PLCH2: variants seen among roughly 807,000 people sequenced by gnomAD.
PLCH2 encodes the protein 1-phosphatidylinositol 4,5-bisphosphate phosphodiesterase eta-2.
PLCH2 carries 98 observed loss-of-function variants against 134.7 expected under a neutral mutation model. The ratio of observed to expected loss-of-function variants is 0.73; its 90% CI spans 0.62 to 0.86. The LOEUF (loss-of-function observed/expected upper bound fraction) is 0.86, where lower values mean the gene tolerates loss of function less well. Ranked by LOEUF, PLCH2 falls within the 40% of genes least tolerant of loss-of-function variation. The probability of loss-of-function intolerance (pLI) is 0.00; values close to 1 mark genes in which losing one functional copy is unlikely to be tolerated. For synonymous variants in PLCH2, 974 were observed against 827.5 expected (o/e 1.18, Z -3.04); for missense variants, 1,994 against 1,986.6 (o/e 1.00, Z -0.07).
rs894710209 is a variant in PLCH2 at position 2,499,350 on chromosome 1, C to G, written c.2581+120C>G. ...GGGCCTGCACCTGGCACCAAAGAGA[C>G]AGGAGCTGAGGACGGGAGGAGAGCC... On this transcript the variant is annotated intron_variant, in intron 19 of 21. Transcript: ENST00000378486. 9.6e-6 allele frequency: 12 copies of G among 1,253,862 alleles called. No individual in the cohort carries two copies. The Admixed American group carries it at 1.5e-4, about 15-fold the overall frequency. 77.7% of individuals were successfully genotyped at this position (1,253,862 alleles called of 1,614,324 possible).
At chr1:2,429,462 A>C (rs1343732173) in intron 1 of PLCH2, among the ~76,000 whole-genome samples, 1 of 152,090 alleles carries the variant, frequency 6.6e-6, no homozygotes, top group African/African-American at 2.4e-5. Flanking sequence ...CTGGCCTGAG[A>C]GTGAGGAGTT....
rs1215016797 is a variant in PLCH2, at chr1:2,489,887, G to A, written c.1515+20G>A. On this transcript the variant is annotated intron_variant, in intron 10 of 21. Coordinates refer to ENST00000378486, the MANE Select transcript of PLCH2 (RefSeq NM_014638.4). ...GGGGATGTGAGTCGGGCTGGAGGTG[G>A]AGGGGGGCGCGTGGAGCCTGCAGTT... 6.5e-7 allele frequency: 1 copy of A among 1,550,018 alleles called. No individual in the cohort carries two copies.
rs1446522991 is a variant in PLCH2, at chr1:2,476,651, G to A, written c.63G>A (p.Glu21=). The A allele has an allele frequency of 6.2e-7, 1 of 1,608,872 alleles. No homozygotes were observed. The highest frequency in any genetic ancestry group is 8.5e-7 in the Non-Finnish European group (1 of 1,178,540). ...AGGGAACGGTGGCCTGGCTGGCGGA[G>A]GTACTCCTCTGGGTTGGAGGGAGTG... ...RTKGTVAWLA[E]VLLWVGGSVV... Residue 21 remains glutamate (E), a synonymous_variant, in exon 1 of 22, where the codon GAG becomes GAA. Coordinates refer to ENST00000378486, the MANE Select transcript of PLCH2 (RefSeq NM_014638.4).
Position 2,487,356 on chromosome 1 carries a change from C to G in PLCH2, c.1094C>G (p.Ala365Gly). 2 of 1,613,104 alleles carry G rather than the reference C, an allele frequency of 1.2e-6. No homozygotes were observed. Among genetic ancestry groups the G allele is most frequent in the Non-Finnish European group, 1.7e-6 (2 of 1,179,662 alleles). The change falls in exon 7 of 22, where the codon GCT (alanine) becomes GGT (glycine). Residue 365 changes from alanine to glycine, a missense_variant. Ala to Gly is a moderately conservative substitution (Grantham distance 60). Around this residue, in one of 2 missense-constraint regions of PLCH2, gnomAD observed 1,094 missense variants for 1,234.3 expected, o/e 0.89. Coordinates refer to ENST00000378486, the MANE Select transcript of PLCH2 (RefSeq NM_014638.4). Reference protein sequence around the residue: ...RVDMYAWVLQAGCRCVEVDCW... With the variant: ...RVDMYAWVLQGGCRCVEVDCW... ...GACATGTATGCTTGGGTCCTGCAGG[C>G]TGGCTGCCGCTGCGTGGAGGGTAAG...
At chr1:2,462,572 T>C (rs922815878), upstream of PLCH2, among the ~76,000 whole-genome samples, 2 of 152,034 alleles carry the variant, frequency 1.3e-5, no homozygotes, top group Admixed American at 6.5e-5. Context: ...ACGGTCAGTC[T>C]GGGTGGCCCG....
chr1:2,478,672 C>G (rs918242250), intron 2 of PLCH2, 50 bp downstream of exon 2: 1 of 1,541,060 alleles, frequency 6.5e-7, no homozygotes, highest in Non-Finnish European at 8.8e-7. Flanking sequence ...TGGGGGGACA[C>G]GACGGTAGGG....
intron 1 of PLCH2, among the ~76,000 whole-genome samples, chr1:2,469,433 C>T (rs1248916878): frequency 3.3e-5 from 5 of 152,224 alleles, no homozygotes; most frequent in African/African-American, 4.8e-5. Context: ...CCGCCGAGGA[C>T]GGAGCAGATG....
rs1639574103 is a variant in PLCH2 at position 2,439,176 on chromosome 1, C to T, written c.115+8547C>T. On this transcript the variant is annotated intron_variant, in intron 2 of 3. Coordinates refer to the PLCH2 transcript ENST00000609981. The surrounding 1 kb of genome is among the most constrained non-coding windows in gnomAD (Gnocchi z 4.7). ...TTCTCTCTTTGTGCCTCAGTTTCCC[C>T]CTCAGAGAAAAGGGTGTGTCAGGCC... 6.6e-6 allele frequency among the ~76,000 whole-genome samples: 1 copy of T among 152,242 alleles called. No homozygotes were observed. The highest frequency in any genetic ancestry group is 6.5e-5 in the Admixed American group (1 of 15,290).
At chr1:2,478,310 C>T (rs1641749161) in intron 1 of PLCH2, among the ~76,000 whole-genome samples, 166 bp from the exon 2 acceptor site, 1 of 152,188 alleles carries the variant, frequency 6.6e-6, no homozygotes. Flanking sequence ...TGCCCTGTCA[C>T]TGGCAGGGCG....
At chr1:2,434,775 C>A (rs1639245338) in intron 2 of PLCH2, among the ~76,000 whole-genome samples, 1 of 152,230 alleles carries the variant, frequency 6.6e-6, no homozygotes, top group African/African-American at 2.4e-5. Context: ...GCAAGCTCCT[C>A]TCCCTGGTGC....
chr1:2,418,440 C>T, the PLCH2 span, among the ~76,000 whole-genome samples: 1 of 152,200 alleles, frequency 6.6e-6, no homozygotes, highest in African/African-American at 2.4e-5. Flanking sequence ...TCTGGTCGTT[C>T]TGCTCCACCA....
chr1:2,473,461 T>C, upstream of PLCH2, among the ~76,000 whole-genome samples: 1 of 152,210 alleles, frequency 6.6e-6, no homozygotes, highest in East Asian at 1.9e-4. Context: ...CATCCGCCCA[T>C]CTGGGTGCAT....
chr1:2,451,182 A>T (rs1052457377), intron 2 of PLCH2, among the ~76,000 whole-genome samples: 1 of 152,106 alleles, frequency 6.6e-6, no homozygotes, highest in Non-Finnish European at 1.5e-5. Context: ...GCTGGTGTCC[A>T]CGTCAACAAG....
chr1:2,497,631 G>A (rs1642970501), intron 16 of PLCH2, 22 bp downstream of exon 16: 9 of 1,490,866 alleles, frequency 6.0e-6, no homozygotes, highest in Non-Finnish European at 7.3e-6. Context: ...GGACACTCAG[G>A]GCTCGGACGC....
chr1:2,456,821 T>G (rs1570321185), intron 2 of PLCH2, among the ~76,000 whole-genome samples: 1 of 152,088 alleles, frequency 6.6e-6, no homozygotes, highest in Non-Finnish European at 1.5e-5. Context: ...TTTCTGCCCC[T>G]TCTAGGGCCA....
In PLCH2 at chr1:2,480,205, G is replaced by C. The variant is rs767740235; in HGVS notation, c.538G>C (p.Glu180Gln). Reference protein sequence around the residue: ...RDQWLKQTFDEADKNGDGSLS... With the variant: ...RDQWLKQTFDQADKNGDGSLS... ...AAAGTGGCTGAAGCAGACGTTTGAC[G>C]AGGCCGACAAGAACGGGGATGGCAG... Residue 180 changes from glutamate to glutamine, a missense_variant, in exon 4 of 22, where the codon GAG becomes CAG. This residue lies in a region of PLCH2 where 1,094 missense variants were observed against 1,234.3 expected (regional missense o/e 0.89). Coordinates refer to ENST00000378486, the MANE Select transcript of PLCH2 (RefSeq NM_014638.4). The C allele has an allele frequency of 1.2e-6, 2 of 1,612,760 alleles. No homozygotes were observed.
At chr1:2,434,135 C>T (rs773148268) in intron 2 of PLCH2, among the ~76,000 whole-genome samples, 6 of 152,258 alleles carry the variant, frequency 3.9e-5, no homozygotes, top group Admixed American at 1.3e-4. Context: ...GTATGTGCAC[C>T]GAGCTCTTTG....
chr1:2,431,442 A>G (rs1639066426), intron 2 of PLCH2, among the ~76,000 whole-genome samples: 1 of 151,932 alleles, frequency 6.6e-6, no homozygotes, highest in Non-Finnish European at 1.5e-5. Context: ...TCGCCATCTG[A>G]GGGTGGAGCT....
chr1:2,416,363 GAGGA>G, the PLCH2 span, among the ~76,000 whole-genome samples: 1 of 150,408 alleles, frequency 6.6e-6, no homozygotes, highest in Admixed American at 6.7e-5. Context: ...TTTGGGGATT[GAGGA>G]AGGGCCACCC....
Sources: gnomAD v4.1 joint callset for allele counts (sites outside exome capture counted in the v4.1 genomes callset) on GRCh38, gnomAD v4.1.1 for gene constraint, gnomAD v4.1.1 regional missense constraint, Gnocchi (gnomAD v3.1) non-coding constraint, MANE v1.5 for transcripts, NCBI Gene and HGNC (gene_info 2026-07-23, HGNC 2026-07-21) for gene names.